Variants in SCRG1 observed in about 807,000 individuals in gnomAD.
SCRG1 encodes stimulator of chondrogenesis 1.
In SCRG1, 3 loss-of-function variants were observed where a neutral mutation model predicts 7.7. The ratio of observed to expected loss-of-function variants is 0.39; its 90% CI spans 0.18 to 1.01. The LOEUF (loss-of-function observed/expected upper bound fraction) is 1.01. SCRG1 is among the 50% of genes least tolerant of loss of function. The pLI is 0.36. For synonymous variants in SCRG1, 46 were observed against 41.2 expected (o/e 1.12, Z -0.44); for missense variants, 110 against 117.2 (o/e 0.94, Z 0.28).
chr4:173,483,937 A>G, the SCRG1 span, among the ~76,000 whole-genome samples: 1 of 77,534 alleles, frequency 1.3e-5, no homozygotes, highest in Admixed American at 2.1e-4. Flanking sequence ...TTCATATATA[A>G]TATAAATCAT....
chr4:173,493,180 T>A, the SCRG1 span, among the ~76,000 whole-genome samples: 2 of 152,002 alleles, frequency 1.3e-5, no homozygotes, highest in Admixed American at 1.3e-4. Context: ...GGGGAGGGGC[T>A]TGGTAGGAGG....
the SCRG1 span, among the ~76,000 whole-genome samples, chr4:173,475,008 C>A: frequency 1.6e-4 from 24 of 150,900 alleles, no homozygotes; most frequent in East Asian, 4.5e-3. Context: ...GATGAAAAAT[C>A]CATGTGTGGT....
At chr4:173,443,952 T>C in the SCRG1 span, among the ~76,000 whole-genome samples, 1 of 144,384 alleles carries the variant, frequency 6.9e-6, no homozygotes, top group East Asian at 2.0e-4. Flanking sequence ...TTTGTGTGTG[T>C]GTGTGTGTGT....
At chr4:173,441,287 A>G in the SCRG1 span, among the ~76,000 whole-genome samples, 1 of 152,242 alleles carries the variant, frequency 6.6e-6, no homozygotes, top group South Asian at 2.1e-4. Flanking sequence ...TTTAGTTAAC[A>G]GTAGGTTCAG....
chr4:173,389,343 A>T (rs185238779), intron 2 of SCRG1, among the ~76,000 whole-genome samples: 2 of 151,910 alleles, frequency 1.3e-5, no homozygotes, highest in Admixed American at 1.3e-4. Context: ...GACCATCCTG[A>T]CCAACACGGT....
At chr4:173,446,299 G>A in the SCRG1 span, among the ~76,000 whole-genome samples, 2 of 152,016 alleles carry the variant, frequency 1.3e-5, no homozygotes, top group African/African-American at 2.4e-5. Context: ...TTTTGATGGT[G>A]CAAAAGCAAT....
the SCRG1 span, among the ~76,000 whole-genome samples, chr4:173,494,010 C>T: frequency 6.6e-6 from 1 of 152,146 alleles, no homozygotes; most frequent in Non-Finnish European, 1.5e-5. Context: ...AACTGAAATG[C>T]GTGCCTTCTA....
chr4:173,392,693 T>A (rs1739483700), intron 1 of SCRG1, among the ~76,000 whole-genome samples: 1 of 152,178 alleles, frequency 6.6e-6, no homozygotes, highest in African/African-American at 2.4e-5. Flanking sequence ...AGGATTAGAA[T>A]CCAGAGCCAT....
chr4:173,463,265 T>C, the SCRG1 span, among the ~76,000 whole-genome samples: 3 of 152,222 alleles, frequency 2.0e-5, no homozygotes, highest in East Asian at 3.9e-4. Context: ...AGGTTTTTGT[T>C]TTTATTATTT....
At chr4:173,497,111 A>T in the SCRG1 span, among the ~76,000 whole-genome samples, 349 of 152,256 alleles carry the variant, frequency 2.3e-3, 6 homozygotes, top group Admixed American at 0.016. Flanking sequence ...GTCTCAAAAA[A>T]ACAAAAAAAC....
chr4:173,414,662 G>A, the SCRG1 span, among the ~76,000 whole-genome samples: 108 of 152,356 alleles, frequency 7.1e-4, 3 homozygotes, highest in East Asian at 0.02. Flanking sequence ...TACAAGAGCA[G>A]AACTAGAAGG....
At chr4:173,389,942 C>A (rs1214817601) in intron 2 of SCRG1, 1 of 298,270 alleles carries the variant, frequency 3.4e-6, no homozygotes, top group Non-Finnish European at 7.4e-6. Flanking sequence ...ATATCCAAGA[C>A]CATGGGATTT....
At chr4:173,484,400 TATTATATAC>T in the SCRG1 span, among the ~76,000 whole-genome samples, 12 of 71,370 alleles carry the variant, frequency 1.7e-4, no homozygotes, top group Admixed American at 1.5e-3. Flanking sequence ...ATACATTATA[TATTATATAC>T]ATATAATATA....
At chr4:173,483,559 T>A in the SCRG1 span, among the ~76,000 whole-genome samples, 1 of 91,494 alleles carries the variant, frequency 1.1e-5, no homozygotes, top group Non-Finnish European at 1.9e-5. Context: ...ATATTATATA[T>A]TGTATTGTGA....
the SCRG1 span, among the ~76,000 whole-genome samples, chr4:173,509,360 T>C: frequency 6.6e-6 from 1 of 152,126 alleles, no homozygotes; most frequent in Admixed American, 6.5e-5. The surrounding 1 kb of genome is among the most constrained non-coding windows in gnomAD (Gnocchi z 5.7). Context: ...CACTCTGTCC[T>C]GGAGGCCTGA....
At chr4:173,484,826 A>G in the SCRG1 span, among the ~76,000 whole-genome samples, 1 of 83,216 alleles carries the variant, frequency 1.2e-5, no homozygotes, top group African/African-American at 4.9e-5. Context: ...TATAATATAT[A>G]TTATATGTAC....
upstream of SCRG1, among the ~76,000 whole-genome samples, chr4:173,409,483 CT>C (rs1225174688): frequency 6.6e-6 from 1 of 151,988 alleles, no homozygotes; most frequent in East Asian, 1.9e-4. Flanking sequence ...GTGCTATGCT[CT>C]GTATCCTTCC....
chr4:173,484,436 CATATGATATATA>C, the SCRG1 span, among the ~76,000 whole-genome samples: 1 of 50,592 alleles, frequency 2.0e-5, no homozygotes, highest in East Asian at 6.3e-4. Context: ...ATATTATATA[CATATGATATATA>C]ATATATATTA....
chr4:173,410,691 C>T (rs1740016906), upstream of SCRG1, among the ~76,000 whole-genome samples: 1 of 152,104 alleles, frequency 6.6e-6, no homozygotes, highest in South Asian at 2.1e-4. Flanking sequence ...ATCGAGATCC[C>T]TACAGATTAT....
Sources: allele counts gnomAD v4.1 joint callset (sites outside exome capture counted in the v4.1 genomes callset), GRCh38; gene constraint gnomAD v4.1.1; non-coding constraint Gnocchi (gnomAD v3.1); transcripts MANE v1.5; gene names NCBI Gene and HGNC (gene_info 2026-07-23, HGNC 2026-07-21).